FLT1: variants seen among roughly 807,000 people sequenced by gnomAD.
FLT1 encodes vascular endothelial growth factor receptor 1.
In FLT1, 49 loss-of-function variants were observed where a neutral mutation model predicts 156.3. The ratio of observed to expected loss-of-function variants is 0.31; its 90% CI spans 0.25 to 0.40. FLT1 has a LOEUF of 0.40. Ranked by LOEUF, FLT1 falls within the 10% of genes least tolerant of loss-of-function variation. The pLI, the probability that FLT1 is intolerant of heterozygous loss-of-function variation, is 1.00. For missense variants in FLT1, 1,322 were observed against 1,637.2 expected (o/e 0.81, Z 3.32); for synonymous variants, 594 against 583.8 (o/e 1.02, Z -0.25).
intron 10 of FLT1, among the ~76,000 whole-genome samples, chr13:28,415,363 C>A (rs560606639): frequency 6.6e-6 from 1 of 152,252 alleles, no homozygotes; most frequent in South Asian, 2.1e-4. Flanking sequence ...TGCCTGTAAT[C>A]CCAGCTACCT....
chr13:28,433,456 T>C (rs948476231), intron 6 of FLT1, among the ~76,000 whole-genome samples: 1 of 152,242 alleles, frequency 6.6e-6, no homozygotes, highest in African/African-American at 2.4e-5. Flanking sequence ...GTTGTTGTTG[T>C]TGTTACAAAA....
chr13:28,342,328 C>A (rs750381503), intron 16 of FLT1, among the ~76,000 whole-genome samples: 2 of 152,176 alleles, frequency 1.3e-5, no homozygotes, highest in Non-Finnish European at 2.9e-5. Context: ...TCAAGCCTTG[C>A]TTTCTCGGAA....
At position 28,371,310 on chromosome 13, in the gene FLT1, C is replaced by A. The variant is rs544602356; in HGVS notation, c.2116+13575G>T. Among the ~76,000 whole-genome samples, 4 of 152,208 alleles carry A rather than the reference C, an allele frequency of 2.6e-5. No individual in the cohort carries two copies. The South Asian group carries it at 8.3e-4, about 32-fold the overall frequency. On this transcript the variant is annotated intron_variant, in intron 14 of 29. Transcript: ENST00000282397. ...TGTATCTGTGGTTTTAGTTTACCAA[C>A]GTGCAAAAATATTAAATGGAAAATT...
intron 10 of FLT1, among the ~76,000 whole-genome samples, chr13:28,410,966 C>T (rs1876129447): frequency 6.6e-6 from 1 of 152,092 alleles, no homozygotes; most frequent in Non-Finnish European, 1.5e-5. Context: ...AGACCTTTCC[C>T]ACCATGGGAG....
At chr13:28,411,723 A>T (rs1566012245) in intron 10 of FLT1, among the ~76,000 whole-genome samples, 1 of 152,016 alleles carries the variant, frequency 6.6e-6, no homozygotes, top group Non-Finnish European at 1.5e-5. Context: ...CGGGGACAGG[A>T]GTGTGGGTGA....
chr13:28,315,713 T>G (rs948712426), intron 25 of FLT1, among the ~76,000 whole-genome samples: 4 of 152,234 alleles, frequency 2.6e-5, no homozygotes, highest in Non-Finnish European at 4.4e-5. Flanking sequence ...TTGAGAACTT[T>G]CTCGAGATTT....
chr13:28,389,318 A>G, intron 13 of FLT1: 1 of 1,218,570 alleles, frequency 8.2e-7, no homozygotes, highest in Non-Finnish European at 1.0e-6. Context: ...ATTCGTGTCC[A>G]TCTTTGGCAG....
intron 1 of FLT1, among the ~76,000 whole-genome samples, chr13:28,494,508 T>C (rs1254333332): frequency 1.3e-5 from 2 of 152,172 alleles, no homozygotes. Context: ...TCAGCGATCC[T>C]GTCGCAAACG....
At chr13:28,468,911 C>T (rs1174540253) in intron 1 of FLT1, among the ~76,000 whole-genome samples, 2 of 152,216 alleles carry the variant, frequency 1.3e-5, no homozygotes, top group African/African-American at 4.8e-5. Context: ...AACAGACAGC[C>T]TCATGATTTT....
rs1871339668 is a variant in FLT1, at chr13:28,319,280, G to C, written c.3286+143C>G. 4 of 681,096 alleles carry C rather than the reference G, an allele frequency of 5.9e-6. No homozygotes were observed. In the South Asian group the frequency reaches 6.1e-5, roughly 10 times the overall value. The allele number at this position is 681,096 out of a possible 1,614,324, so 42.2% of individuals were successfully genotyped here. ...CATGCGTACGCCATTACTCATCTGAGAGTCTACATGGGCCCATTACACTTT... is the reference window on the plus strand; with the variant it reads ...CATGCGTACGCCATTACTCATCTGACAGTCTACATGGGCCCATTACACTTT... On this transcript the variant is annotated intron_variant, in intron 24 of 29. Transcript: ENST00000282397.
intron 20 of FLT1, among the ~76,000 whole-genome samples, chr13:28,323,173 A>AT (rs1188439104): frequency 6.0e-5 from 9 of 149,522 alleles, no homozygotes; most frequent in Non-Finnish European, 1.0e-4. Context: ...CTTAGATCAG[A>AT]TAAAAAAAAA....
Position 28,438,304 on chromosome 13 carries a change from C to G in FLT1, c.430G>C (p.Glu144Gln). Residue 144 changes from glutamate (E) to glutamine (Q), a missense_variant, in exon 4 of 30, where the codon GAA becomes CAA. Glu to Gln is a conservative substitution (Grantham distance 29). Transcript: ENST00000282397. Reference sequence around the variant, plus strand: ...CTTCCTTCAGTCATGTGTATAATTTCGGGGATTTCACTGTACATCTCTACG... The same window carrying G: ...CTTCCTTCAGTCATGTGTATAATTTGGGGGATTTCACTGTACATCTCTACG... ...PFVEMYSEIP[E>Q]IIHMTEGREL... 1 of 1,612,428 alleles carries G rather than the reference C, an allele frequency of 6.2e-7. No individual in the cohort carries two copies. The highest frequency in any genetic ancestry group is 8.5e-7 in the Non-Finnish European group (1 of 1,178,472).
At chr13:28,412,372 C>CTT (rs1276819706) in intron 10 of FLT1, among the ~76,000 whole-genome samples, 2 of 112,136 alleles carry the variant, frequency 1.8e-5, no homozygotes, top group Admixed American at 9.9e-5. Context: ...TTCTTTCTTT[C>CTT]TTTCTTTCTT....
rs1336393869 is a variant in FLT1, at chr13:28,439,762, T to C, written c.389-1417A>G. Among the ~76,000 whole-genome samples, 9 of 152,072 alleles carry C rather than the reference T, an allele frequency of 5.9e-5. No homozygotes were observed. The highest frequency in any genetic ancestry group is 2.0e-4 in the Admixed American group (3 of 15,280). ...GCGGCAAGCCAAAGAATGCCAAGGATTGCGGGCAACCACCAGCATGTAGGA... is the reference window on the plus strand; with the variant it reads ...GCGGCAAGCCAAAGAATGCCAAGGACTGCGGGCAACCACCAGCATGTAGGA... On this transcript the variant is annotated intron_variant, in intron 3 of 29. Coordinates refer to ENST00000282397, the MANE Select transcript of FLT1 (RefSeq NM_002019.4). The surrounding 1 kb of genome is among the most constrained non-coding windows in gnomAD (Gnocchi z 4.1).
At chr13:28,355,870 T>C (rs1029676010) in intron 15 of FLT1, among the ~76,000 whole-genome samples, 1 of 152,156 alleles carries the variant, frequency 6.6e-6, no homozygotes, top group Non-Finnish European at 1.5e-5. Flanking sequence ...GAGAAGAAAC[T>C]CACAGATGTC....
In FLT1 at chr13:28,321,603, C is replaced by T. The variant is rs1347636649; in HGVS notation, c.3052-18G>A. ...TGAATGCACTATAATAAAACAGTTG[C>T]ATAATCAATGCATTTCCTTAACCTA... On this transcript the variant is annotated intron_variant, in intron 22 of 29. Transcript: ENST00000282397. 10 of 1,613,476 alleles carry T rather than the reference C, an allele frequency of 6.2e-6. No individual in the cohort carries two copies. Among genetic ancestry groups the T allele is most frequent in the Non-Finnish European group, 5.9e-6 (7 of 1,179,580 alleles).
intron 18 of FLT1, 34 bp from the exon 19 acceptor site, chr13:28,329,762 G>A (rs1489454991): frequency 6.5e-7 from 1 of 1,537,842 alleles, no homozygotes; most frequent in African/African-American, 1.4e-5. Context: ...CAGGGCGACA[G>A]GACAATGGGG....
intron 13 of FLT1, chr13:28,387,127 T>A: frequency 2.9e-6 from 3 of 1,036,058 alleles, no homozygotes; most frequent in Non-Finnish European, 3.5e-6. Context: ...AAAGGCCTTA[T>A]TTGTACTACA....
intron 10 of FLT1, among the ~76,000 whole-genome samples, chr13:28,412,259 C>T (rs1876247118): frequency 6.6e-6 from 1 of 152,218 alleles, no homozygotes; most frequent in African/African-American, 2.4e-5. Flanking sequence ...ATCAGATTAA[C>T]AGAATCTGCA....
Sources: gnomAD v4.1 joint callset for allele counts (sites outside exome capture counted in the v4.1 genomes callset) on GRCh38, gnomAD v4.1.1 for gene constraint, Gnocchi (gnomAD v3.1) non-coding constraint, MANE v1.5 for transcripts, NCBI Gene and HGNC (gene_info 2026-07-23, HGNC 2026-07-21) for gene names.